The following ZFP14 variants were observed in gnomAD, a reference collection of about 807,000 sequenced individuals.
ZFP14 encodes zinc finger protein 14 homolog.
In ZFP14, 22 loss-of-function variants were observed where a neutral mutation model predicts 54.5. The observed-to-expected ratio is 0.40, with a 90% confidence interval of 0.29 to 0.58. ZFP14 has a LOEUF of 0.58. Ranked by LOEUF, ZFP14 falls within the 20% of genes least tolerant of loss-of-function variation. The pLI, the probability that ZFP14 is intolerant of heterozygous loss-of-function variation, is 0.39. For synonymous variants in ZFP14, 159 were observed against 204.0 expected, an observed-to-expected ratio of 0.78 and a Z score of 1.88; for missense variants, 470 against 637.8, an observed-to-expected ratio of 0.74 and a Z score of 2.83.
chr19:36,342,865 T>C (rs1420103949), intron 4 of ZFP14, among the ~76,000 whole-genome samples: 2 of 152,196 alleles, frequency 1.3e-5, no homozygotes, highest in Admixed American at 6.5e-5. Context: ...ATTATAAATA[T>C]ACCTCCACTA....
At chr19:36,343,282 T>G (rs34386841) in intron 4 of ZFP14, among the ~76,000 whole-genome samples, 8,256 of 152,320 alleles carry the variant, frequency 0.054, 255 homozygotes, top group Non-Finnish European at 0.066. Flanking sequence ...TTTACCATTA[T>G]AATAAAATAT....
rs1045294981 is a variant in ZFP14 at position 36,341,883 on chromosome 19, G to A, written c.236-293C>T. 1.3e-5 allele frequency among the ~76,000 whole-genome samples: 2 copies of A among 151,542 alleles called. No individual in the cohort carries two copies. Among genetic ancestry groups the A allele is most frequent in the African/African-American group, 2.4e-5 (1 of 41,272 alleles). On this transcript the variant is annotated intron_variant, in intron 4 of 4. Transcript: ENST00000270001. This position sits in a 1 kb window ranked among gnomAD's most constrained non-coding sequence, Gnocchi z 4.2. ...TTTTTTTCTTTGGAGATGGAGTCTCGCTCTGTTGCCCAGGCTGGAGTGCAG... is the reference window on the plus strand; with the variant it reads ...TTTTTTTCTTTGGAGATGGAGTCTCACTCTGTTGCCCAGGCTGGAGTGCAG...
intron 4 of ZFP14, among the ~76,000 whole-genome samples, chr19:36,346,251 C>T (rs1273652036): frequency 6.6e-6 from 1 of 152,098 alleles, no homozygotes. Context: ...ATGCCACTGC[C>T]TGGGTGACAG....
In ZFP14 at chr19:36,352,504, TA is replaced by T. The variant is rs2031544016; in HGVS notation, c.235+7930del. ...TAGATGCATAAAATACATCAATTAATAGACAAAAATGACTGGGCACAGTGGC... is the reference window on the plus strand; with the variant it reads ...TAGATGCATAAAATACATCAATTAATGACAAAAATGACTGGGCACAGTGGC... On this transcript the variant is annotated intron_variant, in intron 4 of 4. Transcript: ENST00000270001. 2.1e-5 allele frequency among the ~76,000 whole-genome samples: 3 copies of T among 142,990 alleles called. No homozygotes were observed. The East Asian group carries it at 6.2e-4, about 30-fold the overall frequency. 93.8% of individuals were successfully genotyped at this position (142,990 alleles called of 152,430 possible).
chr19:36,373,554 T>C (rs2031912205), intron 1 of ZFP14, among the ~76,000 whole-genome samples: 1 of 152,052 alleles, frequency 6.6e-6, no homozygotes, highest in Non-Finnish European at 1.5e-5. Flanking sequence ...ACCACAAAAA[T>C]GGTAACTATG....
chr19:36,366,280 T>C (rs890637857), intron 2 of ZFP14, among the ~76,000 whole-genome samples: 4 of 151,382 alleles, frequency 2.6e-5, no homozygotes, highest in Admixed American at 1.3e-4. Flanking sequence ...AAAAAAAAAA[T>C]TGTATTGAAC....
intron 4 of ZFP14, among the ~76,000 whole-genome samples, chr19:36,349,743 GA>G (rs1442483313): frequency 2.0e-5 from 3 of 148,584 alleles, no homozygotes; most frequent in African/African-American, 7.4e-5. Flanking sequence ...ATATTAAAAT[GA>G]AAATGAAAAA....
chr19:36,337,677 G>A lies in ZFP14; in HGVS notation c.*2547C>T, dbSNP rs2145535471. 1 of 141,974 alleles carries A rather than the reference G, an allele frequency of 7.0e-6. No individual in the cohort carries two copies. Among genetic ancestry groups the A allele is most frequent in the South Asian group, 2.1e-4 (1 of 4,684 alleles). 8.8% of individuals were successfully genotyped at this position (141,974 alleles called of 1,614,324 possible). ...ACCATATACTGTTCATCTAGTCCCT[G>A]TCTGCTTTCAGTTCATTATTCCAGC... On this transcript the variant is annotated 3_prime_UTR_variant, in exon 5 of 5. Transcript: ENST00000270001.
intron 3 of ZFP14, among the ~76,000 whole-genome samples, chr19:36,361,682 G>A (rs1568471204): frequency 1.3e-5 from 2 of 152,164 alleles, no homozygotes; most frequent in Non-Finnish European, 2.9e-5. Context: ...TTACAGGCAC[G>A]TGCCACCATG....
chr19:36,360,615 C>A, intron 3 of ZFP14, 82 bp from the exon 4 acceptor site: 1 of 1,277,502 alleles, frequency 7.8e-7, no homozygotes, highest in Admixed American at 2.1e-5. Flanking sequence ...TAATTAACTA[C>A]AGATCAATAT....
rs1194375164 is a variant in ZFP14, at chr19:36,341,908, G to C, written c.236-318C>G. On this transcript the variant is annotated intron_variant, in intron 4 of 4. Coordinates refer to ENST00000270001, the MANE Select transcript of ZFP14 (RefSeq NM_020917.3). This position sits in a 1 kb window ranked among gnomAD's most constrained non-coding sequence, Gnocchi z 4.2. ...GCTCTGTTGCCCAGGCTGGAGTGCA[G>C]TAGTGCGATCCCGGCTCACTGAAAG... 6.6e-6 allele frequency among the ~76,000 whole-genome samples: 1 copy of C among 151,850 alleles called. No homozygotes were observed. Among genetic ancestry groups the C allele is most frequent in the East Asian group, 1.9e-4 (1 of 5,170 alleles).
intron 1 of ZFP14, among the ~76,000 whole-genome samples, chr19:36,369,248 A>G (rs2031843848): frequency 6.6e-6 from 1 of 152,154 alleles, no homozygotes; most frequent in Non-Finnish European, 1.5e-5. Context: ...CTTCATACAC[A>G]TTGTCAGTTG....
rs900107709 is a variant in ZFP14 at position 36,334,470 on chromosome 19, T to C, written c.*5754A>G. Reference sequence around the variant, plus strand: ...ACACAAAATGATATTCAATATAGCATCTTTATTACCACAGAAACTCATTTA... The same window carrying C: ...ACACAAAATGATATTCAATATAGCACCTTTATTACCACAGAAACTCATTTA... On this transcript the variant is annotated 3_prime_UTR_variant, in exon 5 of 5. Coordinates refer to ENST00000270001, the MANE Select transcript of ZFP14 (RefSeq NM_020917.3). 14 of 152,216 alleles carry C rather than the reference T, an allele frequency of 9.2e-5. No individual in the cohort carries two copies. Among genetic ancestry groups the C allele is most frequent in the African/African-American group, 3.1e-4 (13 of 41,464 alleles). The allele number at this position is 152,216 out of a possible 1,614,324, so 9.4% of individuals were successfully genotyped here.
Position 36,340,302 on chromosome 19 carries a change from G to A in ZFP14, c.1524C>T (p.Tyr508=), listed in dbSNP as rs376811820. 4.1e-5 allele frequency: 66 copies of A among 1,613,838 alleles called. No individual in the cohort carries two copies. Among genetic ancestry groups the A allele is most frequent in the Non-Finnish European group, 5.5e-5 (65 of 1,179,968 alleles). Reference sequence around the variant, plus strand: ...AGGCCTTCTTACACTCCTTACACTTGTAGGGCTTCTCACCAGTATGAATTC... The same window carrying A: ...AGGCCTTCTTACACTCCTTACACTTATAGGGCTTCTCACCAGTATGAATTC... ...HQRIHTGEKP[Y]KCKECKKAFR... is the part of the protein sequence containing the mutation. Residue 508 remains tyrosine (Y), a synonymous_variant, in exon 5 of 5, where the codon TAC becomes TAT. Coordinates refer to ENST00000270001, the MANE Select transcript of ZFP14 (RefSeq NM_020917.3). The surrounding 1 kb of genome is among the most constrained non-coding windows in gnomAD (Gnocchi z 5.4).
intron 2 of ZFP14, among the ~76,000 whole-genome samples, chr19:36,365,020 T>TG (rs2031772179): frequency 8.2e-6 from 1 of 121,594 alleles, no homozygotes; most frequent in African/African-American, 3.5e-5. Context: ...TTTTTTTTTT[T>TG]TTTGACAGGG....
rs145854569 is a variant in ZFP14 at position 36,356,697 on chromosome 19, G to A, written c.235+3738C>T. ...CTAATTTGTTTTTCCATCTCTATGT[G>A]ATTTTGCAAATATTACATAAATAAA... On this transcript the variant is annotated intron_variant, in intron 4 of 4. Coordinates refer to ENST00000270001, the MANE Select transcript of ZFP14 (RefSeq NM_020917.3). Among the ~76,000 whole-genome samples the A allele has an allele frequency of 9.2e-5, 14 of 152,124 alleles. No individual in the cohort carries two copies. The East Asian group carries it at 2.7e-3, about 29-fold the overall frequency.
intron 4 of ZFP14, among the ~76,000 whole-genome samples, chr19:36,349,257 CAAAAAA>C (rs1171155676): frequency 2.4e-5 from 1 of 42,228 alleles, no homozygotes; most frequent in African/African-American, 1.1e-4. Context: ...AAAAAAAAAA[CAAAAAA>C]AAAAAAACAG....
At chr19:36,355,426 C>T (rs2031597167) in intron 4 of ZFP14, among the ~76,000 whole-genome samples, 1 of 142,454 alleles carries the variant, frequency 7.0e-6, no homozygotes, top group Non-Finnish European at 1.6e-5. Context: ...GCCTGTAATC[C>T]CAGCACCTTG....
chr19:36,357,879 A>C (rs1600077112), intron 4 of ZFP14, among the ~76,000 whole-genome samples: 1 of 151,456 alleles, frequency 6.6e-6, no homozygotes, highest in East Asian at 2.0e-4. Flanking sequence ...AGTAGCTGGG[A>C]TTACAGGCTT....
Sources: allele counts gnomAD v4.1 joint callset (sites outside exome capture counted in the v4.1 genomes callset), GRCh38; gene constraint gnomAD v4.1.1; non-coding constraint Gnocchi (gnomAD v3.1); transcripts MANE v1.5; gene names NCBI Gene and HGNC (gene_info 2026-07-23, HGNC 2026-07-21).